The following ZNF609 variants were observed in gnomAD, a reference collection of about 807,000 sequenced individuals.
ZNF609 encodes the protein zinc finger protein 609.
In ZNF609, 11 loss-of-function variants were observed where a neutral mutation model predicts 109.5. The observed-to-expected ratio is 0.10, with a 90% CI of 0.06 to 0.17. ZNF609 has a LOEUF of 0.17. ZNF609 is among the 10% of genes least tolerant of loss of function. ZNF609 has a pLI of 1.00. For synonymous variants in ZNF609, 646 were observed against 662.0 expected (o/e 0.98, Z 0.37); for missense variants, 1,559 against 1,772.4 (o/e 0.88, Z 2.16).
At chr15:64,475,923 T>G (rs1269418701) in intron 1 of ZNF609, among the ~76,000 whole-genome samples, 1 of 152,198 alleles carries the variant, frequency 6.6e-6, no homozygotes, top group Non-Finnish European at 1.5e-5. Flanking sequence ...TAACTTCCAT[T>G]CAACACATTT....
intron 3 of ZNF609, among the ~76,000 whole-genome samples, chr15:64,640,086 ATTG>A (rs148310092): frequency 0.031 from 4,765 of 152,004 alleles, 108 homozygotes; most frequent in South Asian, 0.081. Context: ...CACCCAGCTA[ATTG>A]TTGTATTTTT....
At chr15:64,511,428 C>T (rs1015654029) in intron 2 of ZNF609, among the ~76,000 whole-genome samples, 1 of 146,884 alleles carries the variant, frequency 6.8e-6, no homozygotes, top group African/African-American at 2.5e-5. Flanking sequence ...TTGCAGTGAG[C>T]TGAGAACACG....
chr15:64,600,886 C>G (rs960896999), intron 2 of ZNF609, among the ~76,000 whole-genome samples: 1 of 151,952 alleles, frequency 6.6e-6, no homozygotes, highest in Non-Finnish European at 1.5e-5. Context: ...TGTTGTAGAG[C>G]GAAATTTAGT....
chr15:64,593,197 C>T, intron 2 of ZNF609: 1 of 1,526,622 alleles, frequency 6.6e-7, no homozygotes, highest in Non-Finnish European at 9.0e-7. Flanking sequence ...AGCTGCATTA[C>T]TGTGTGAGTT....
intron 2 of ZNF609, among the ~76,000 whole-genome samples, chr15:64,585,904 G>A (rs1895187910): frequency 1.3e-5 from 2 of 152,104 alleles, no homozygotes; most frequent in African/African-American, 4.8e-5. Flanking sequence ...GGAGTGCGGT[G>A]GCATGATCAT....
chr15:64,609,750 G>A (rs1466613968), intron 2 of ZNF609, among the ~76,000 whole-genome samples: 3 of 151,132 alleles, frequency 2.0e-5, no homozygotes, highest in Non-Finnish European at 2.9e-5. Context: ...AAATAAGGCC[G>A]GGTGTGGTGG....
intron 2 of ZNF609, among the ~76,000 whole-genome samples, chr15:64,553,279 A>AG: frequency 6.6e-6 from 1 of 152,070 alleles, no homozygotes; most frequent in East Asian, 1.9e-4. Flanking sequence ...TAAAAAAAAA[A>AG]AAAAAGCCTA....
At chr15:64,627,434 G>A in intron 3 of ZNF609, among the ~76,000 whole-genome samples, 1 of 152,074 alleles carries the variant, frequency 6.6e-6, no homozygotes, top group Non-Finnish European at 1.5e-5. Flanking sequence ...CTAACCCAAA[G>A]GCCAATACCA....
chr15:64,655,598 G>A (rs1182949440), intron 3 of ZNF609, among the ~76,000 whole-genome samples: 7 of 151,724 alleles, frequency 4.6e-5, no homozygotes, highest in Admixed American at 1.3e-4. Flanking sequence ...AGGCCAAGGC[G>A]GGTGGATCAC....
intron 2 of ZNF609, among the ~76,000 whole-genome samples, chr15:64,532,209 A>G (rs549662148): frequency 6.6e-6 from 1 of 152,112 alleles, no homozygotes; most frequent in African/African-American, 2.4e-5. Flanking sequence ...TCTTCACTCA[A>G]ATGTCAACCT....
intron 3 of ZNF609, among the ~76,000 whole-genome samples, chr15:64,635,130 A>G (rs1424818603): frequency 4.0e-5 from 6 of 151,734 alleles, no homozygotes; most frequent in Non-Finnish European, 1.5e-5. Context: ...ATGCTCACAC[A>G]CCTCCTCCCT....
chr15:64,541,519 C>G (rs989385136), intron 2 of ZNF609, among the ~76,000 whole-genome samples: 2 of 151,098 alleles, frequency 1.3e-5, no homozygotes, highest in African/African-American at 4.9e-5. Flanking sequence ...GGGACTATAA[C>G]TGATTCTAGA....
Position 64,680,540 on chromosome 15 carries a change from G to A in ZNF609, c.3946-106G>A, listed in dbSNP as rs1340962199. On this transcript the variant is annotated intron_variant, in intron 7 of 9. Transcript: ENST00000326648. The stretch of plus-strand genomic sequence containing the variant: ...ATCTTGCACTTTTAGGGGTCATAAG[G>A]TGGCACCCTGGGCATCTCACTTGTG... The A allele has an allele frequency of 1.4e-5, 18 of 1,288,014 alleles. No homozygotes were observed. In the East Asian group the frequency reaches 3.9e-4, roughly 28 times the overall value. 79.8% of individuals were successfully genotyped at this position (1,288,014 alleles called of 1,614,324 possible). A position where few individuals can be genotyped will look rare whatever the true frequency, so the allele number is the denominator to read the frequency against.
At chr15:64,664,588 A>G (rs1896622125) in intron 3 of ZNF609, among the ~76,000 whole-genome samples, 2 of 152,118 alleles carry the variant, frequency 1.3e-5, no homozygotes, top group Admixed American at 6.6e-5. Flanking sequence ...TAATAGAGAA[A>G]CTTGGTCTGT....
At chr15:64,567,481 CA>C (rs1039002670) in intron 2 of ZNF609, among the ~76,000 whole-genome samples, 2 of 136,926 alleles carry the variant, frequency 1.5e-5, no homozygotes, top group African/African-American at 2.7e-5. Flanking sequence ...GACTCTGTCT[CA>C]AAAAAAAAAC....
intron 2 of ZNF609, among the ~76,000 whole-genome samples, chr15:64,573,560 G>A (rs1473101561): frequency 1.3e-5 from 2 of 151,452 alleles, no homozygotes. Flanking sequence ...TAGAGATGGG[G>A]TTTCACCTTG....
At chr15:64,578,095 A>G (rs1489043147) in intron 2 of ZNF609, among the ~76,000 whole-genome samples, 1 of 152,062 alleles carries the variant, frequency 6.6e-6, no homozygotes, top group African/African-American at 2.4e-5. Flanking sequence ...AAAAAAACAT[A>G]AAGGAAAAGA....
chr15:64,522,686 T>C (rs565731681), intron 2 of ZNF609, among the ~76,000 whole-genome samples: 101 of 152,342 alleles, frequency 6.6e-4, no homozygotes, highest in African/African-American at 2.3e-3. Context: ...TTCTTCTCTT[T>C]GGAAAGAGGT....
In ZNF609 at chr15:64,673,938, G is replaced by T; in HGVS notation, c.1084G>T (p.Asp362Tyr). 1 of 1,612,252 alleles carries T rather than the reference G, an allele frequency of 6.2e-7. No individual in the cohort carries two copies. Among genetic ancestry groups the T allele is most frequent in the South Asian group, 1.1e-5 (1 of 90,992 alleles). Reference sequence around the variant, plus strand: ...AAGGTTCTGTGACTCCCCGACCAGTGACCTGGAAATGCGCAATGGCCGGGG... The same window carrying T: ...AAGGTTCTGTGACTCCCCGACCAGTTACCTGGAAATGCGCAATGGCCGGGG... Reference protein sequence around the residue: ...PPRFCDSPTSDLEMRNGRGRG... With the variant: ...PPRFCDSPTSYLEMRNGRGRG... Residue 362 changes from aspartate (D) to tyrosine (Y), a missense_variant, in exon 5 of 10, where the codon GAC becomes TAC. Around this residue, in one of 4 missense-constraint regions of ZNF609, gnomAD observed 38 missense variants for 82.1 expected, o/e 0.46. Coordinates refer to ENST00000326648, the MANE Select transcript of ZNF609 (RefSeq NM_015042.2).
Sources: allele counts gnomAD v4.1 joint callset (sites outside exome capture counted in the v4.1 genomes callset), GRCh38; gene constraint gnomAD v4.1.1; regional missense constraint gnomAD v4.1.1; transcripts MANE v1.5; gene names NCBI Gene and HGNC (gene_info 2026-07-23, HGNC 2026-07-21).